Variants in MAP3K5 observed in about 807,000 individuals in gnomAD.
MAP3K5 encodes the protein ASK-1.
In MAP3K5, 56 loss-of-function variants were observed where a neutral mutation model predicts 158.7. The observed-to-expected ratio is 0.35, with a 90% confidence interval of 0.28 to 0.44. The LOEUF is 0.44. MAP3K5 is among the 20% of genes least tolerant of loss of function. MAP3K5 has a pLI of 1.00. For missense variants in MAP3K5, 1,294 were observed against 1,674.8 expected, an observed-to-expected ratio of 0.77 and a Z score of 3.97; for synonymous variants, 579 against 601.7, an observed-to-expected ratio of 0.96 and a Z score of 0.55.
At chr6:136,592,794 A>C (rs981067940) in intron 21 of MAP3K5, 180 bp from the exon 22 acceptor site, 12 of 673,134 alleles carry the variant, frequency 1.8e-5, no homozygotes, top group Non-Finnish European at 2.4e-5. Context: ...AGCATAACCC[A>C]TACAGCAGGG....
chr6:136,740,250 G>A lies in MAP3K5; in HGVS notation c.449-19661C>T, dbSNP rs965451056. ...TTGTTTGTGTGGGAGTGTGCACAGC[G>A]GGGCTGGGGACGGGGGAGGTGAAGT... On this transcript the variant is annotated intron_variant, in intron 1 of 29. Transcript: ENST00000359015. Among the ~76,000 whole-genome samples the A allele has an allele frequency of 3.9e-5, 6 of 152,264 alleles. No homozygotes were observed. The South Asian group carries it at 6.2e-4, about 16-fold the overall frequency.
At chr6:136,573,545 A>T (rs1346947690) in intron 25 of MAP3K5, among the ~76,000 whole-genome samples, 1 of 152,236 alleles carries the variant, frequency 6.6e-6, no homozygotes, top group African/African-American at 2.4e-5. Context: ...AGGGGTAAAT[A>T]AAGTACATTT....
chr6:136,757,585 TA>T (rs1271488925), intron 1 of MAP3K5, among the ~76,000 whole-genome samples: 2,143 of 135,274 alleles, frequency 0.016, 68 homozygotes, highest in African/African-American at 0.055. Flanking sequence ...ATTTATTTTT[TA>T]TTTTTTTTTT....
At chr6:136,638,702 T>C (rs1777769489) in intron 13 of MAP3K5, among the ~76,000 whole-genome samples, 2 of 152,194 alleles carry the variant, frequency 1.3e-5, no homozygotes, top group Non-Finnish European at 2.9e-5. Flanking sequence ...ATAATAAAGC[T>C]TGAGCCAAGA....
chr6:136,663,043 T>C (rs1779073892), intron 8 of MAP3K5, among the ~76,000 whole-genome samples: 1 of 152,204 alleles, frequency 6.6e-6, no homozygotes, highest in Admixed American at 6.6e-5. Context: ...TAGTGGAAAA[T>C]GGCAGACTTT....
chr6:136,585,479 T>TTCTTTCTTTCTTTCTTTCTTTC (rs1775094443), intron 23 of MAP3K5, among the ~76,000 whole-genome samples: 1 of 126,298 alleles, frequency 7.9e-6, no homozygotes, highest in Non-Finnish European at 1.7e-5. Flanking sequence ...TTTTCTTTAT[T>TTCTTTCTTTCTTTCTTTCTTTC]TATTTATTTA....
intron 7 of MAP3K5, among the ~76,000 whole-genome samples, chr6:136,681,458 AC>A (rs964817796): frequency 6.6e-6 from 1 of 152,086 alleles, no homozygotes; most frequent in South Asian, 2.1e-4. Flanking sequence ...ACACAGTGAG[AC>A]CCCATCTCTA....
intron 11 of MAP3K5, chr6:136,647,798 C>A (rs1186858704): frequency 6.6e-6 from 1 of 152,350 alleles, no homozygotes; most frequent in Non-Finnish European, 1.5e-5. Context: ...AGTCCAGGTT[C>A]CACCTCCTTT....
chr6:136,686,848 C>T (rs1232561127), intron 7 of MAP3K5, among the ~76,000 whole-genome samples: 1 of 152,078 alleles, frequency 6.6e-6, no homozygotes, highest in African/African-American at 2.4e-5. Context: ...GCCATACTGC[C>T]CAAAGTAATT....
At chr6:136,620,676 C>T (rs1776758656) in intron 15 of MAP3K5, among the ~76,000 whole-genome samples, 1 of 152,208 alleles carries the variant, frequency 6.6e-6, no homozygotes, top group Admixed American at 6.5e-5. Context: ...TAATAACCAT[C>T]TATTAAATAA....
chr6:136,707,238 G>GT (rs1317925960), intron 2 of MAP3K5, among the ~76,000 whole-genome samples: 1 of 152,230 alleles, frequency 6.6e-6, no homozygotes. Flanking sequence ...TAATATTTAT[G>GT]TAAGTCTGGA....
chr6:136,733,963 A>G (rs1402149830), intron 1 of MAP3K5, among the ~76,000 whole-genome samples: 2 of 152,184 alleles, frequency 1.3e-5, no homozygotes, highest in Admixed American at 1.3e-4. Context: ...TCTGCCCTAA[A>G]AATCCTCCAG....
chr6:136,616,632 T>C (rs1776577202), intron 15 of MAP3K5, among the ~76,000 whole-genome samples: 1 of 151,958 alleles, frequency 6.6e-6, no homozygotes. Context: ...TATAGATTAG[T>C]GGCAAATACT....
intron 15 of MAP3K5, among the ~76,000 whole-genome samples, chr6:136,621,196 T>C (rs1320187328): frequency 6.6e-6 from 1 of 152,208 alleles, no homozygotes; most frequent in East Asian, 1.9e-4. Context: ...TCAGAGATTC[T>C]TTAACTGTGC....
chr6:136,778,936 C>A (rs960071107), intron 1 of MAP3K5, among the ~76,000 whole-genome samples: 1 of 152,050 alleles, frequency 6.6e-6, no homozygotes, highest in Non-Finnish European at 1.5e-5. Flanking sequence ...GGGACAGATG[C>A]GGGAGGATCA....
chr6:136,679,406 A>T (rs1779839642), intron 7 of MAP3K5, among the ~76,000 whole-genome samples: 1 of 152,168 alleles, frequency 6.6e-6, no homozygotes, highest in Non-Finnish European at 1.5e-5. Flanking sequence ...TTTCTATGAG[A>T]CACAAAGGTA....
chr6:136,590,116 G>C (rs984872149), intron 23 of MAP3K5, among the ~76,000 whole-genome samples: 4 of 152,120 alleles, frequency 2.6e-5, no homozygotes, highest in African/African-American at 9.7e-5. Context: ...GGCTCTCCTT[G>C]TCTCTCTCTT....
At chr6:136,732,204 C>T (rs141718196) in intron 1 of MAP3K5, among the ~76,000 whole-genome samples, 75 of 152,226 alleles carry the variant, frequency 4.9e-4, no homozygotes, top group African/African-American at 1.7e-3. Context: ...GCAGGCAAAT[C>T]ACTCGAGGTC....
At chr6:136,749,525 T>C (rs1396486448) in intron 1 of MAP3K5, among the ~76,000 whole-genome samples, 1 of 152,080 alleles carries the variant, frequency 6.6e-6, no homozygotes, top group Admixed American at 6.6e-5. Flanking sequence ...CACGGCCAGA[T>C]AACCTCCTTC....
Sources: gnomAD v4.1 joint callset for allele counts (sites outside exome capture counted in the v4.1 genomes callset) on GRCh38, gnomAD v4.1.1 for gene constraint, MANE v1.5 for transcripts, NCBI Gene and HGNC (gene_info 2026-07-23, HGNC 2026-07-21) for gene names.